CELF2: variants seen among roughly 807,000 people sequenced by gnomAD.
CELF2 encodes CUG triplet repeat RNA-binding protein 2.
A neutral mutation model predicts 62.6 loss-of-function variants in CELF2; 8 were observed. The observed-to-expected ratio is 0.13, with a 90% confidence interval of 0.07 to 0.23. The LOEUF is 0.23. CELF2 is among the 10% of genes least tolerant of loss of function. CELF2 has a pLI of 1.00. For synonymous variants in CELF2, 258 were observed against 250.0 expected, an observed-to-expected ratio of 1.03 and a Z score of -0.30; for missense variants, 333 against 671.0, an observed-to-expected ratio of 0.50 and a Z score of 5.56.
chr10:10,668,496 C>T, the CELF2 span, among the ~76,000 whole-genome samples: 47 of 152,174 alleles, frequency 3.1e-4, no homozygotes, highest in African/African-American at 1.0e-3. Flanking sequence ...ATTCACGGTA[C>T]GCAGTTTGGG....
the CELF2 span, among the ~76,000 whole-genome samples, chr10:10,551,756 G>A: frequency 6.6e-6 from 1 of 152,098 alleles, no homozygotes; most frequent in African/African-American, 2.4e-5. Context: ...CCTATGAAAA[G>A]GAGCAGGGTC....
In CELF2 at chr10:10,806,935, T is replaced by C. The variant is rs145566021; in HGVS notation, c.53+8118T>C. Reference sequence around the variant, plus strand: ...CACAAGGATGTGTTGCAGTTTTCTATTGAAACATAAGATTGTTGTCCACGG... The same window carrying C: ...CACAAGGATGTGTTGCAGTTTTCTACTGAAACATAAGATTGTTGTCCACGG... On this transcript the variant is annotated intron_variant, in intron 1 of 13. Transcript: ENST00000636488. Among the ~76,000 whole-genome samples, 473 of 152,342 alleles carry C rather than the reference T, an allele frequency of 3.1e-3. 2 individuals are homozygous for C. Among genetic ancestry groups the C allele is most frequent in the African/African-American group, 0.011 (460 of 41,580 alleles).
At chr10:10,933,058 G>T (rs996231148) in intron 2 of CELF2, among the ~76,000 whole-genome samples, 1 of 152,132 alleles carries the variant, frequency 6.6e-6, no homozygotes, top group African/African-American at 2.4e-5. Flanking sequence ...ACTTTGGGAG[G>T]CTGAGGCAGG....
rs899815185 is a variant in CELF2 at position 11,247,037 on chromosome 10, A to G, written c.355-2116A>G. On this transcript the variant is annotated intron_variant, in intron 3 of 12. Coordinates refer to ENST00000633077, the MANE Select transcript of CELF2 (RefSeq NM_001326342.2). This position sits in a 1 kb window ranked among gnomAD's most constrained non-coding sequence, Gnocchi z 5.4. ...TTCTCCACCATCCCCACAACCAGCC[A>G]GTCGCCATGAAGTTCAGCCTCCACC... 1.3e-5 allele frequency among the ~76,000 whole-genome samples: 2 copies of G among 152,186 alleles called. No individual in the cohort carries two copies. Among genetic ancestry groups the G allele is most frequent in the African/African-American group, 4.8e-5 (2 of 41,448 alleles).
rs2057589214 is a variant in CELF2, at chr10:11,018,123, G to C, written c.34G>C (p.Asp12His). Reference protein sequence around the residue: ...TSAFKLDFLPDMMVEGRLLVP... With the variant: ...TSAFKLDFLPHMMVEGRLLVP... ...TGCCTTCAAGCTGGATTTCCTCCCG[G>C]ACATGATGGTCGAGGGCCGCCTGCT... is the stretch of plus-strand genomic sequence containing the variant. The change falls in exon 1 of 13, where the codon GAC becomes CAC. Residue 12 changes from aspartate (D) to histidine (H), a missense_variant. This residue lies in a region of CELF2 where 45 missense variants were observed against 39.8 expected (regional missense o/e 1.13). Coordinates refer to ENST00000633077, the MANE Select transcript of CELF2 (RefSeq NM_001326342.2). 4 of 1,518,910 alleles carry C rather than the reference G, an allele frequency of 2.6e-6. No homozygotes were observed. Among genetic ancestry groups the C allele is most frequent in the Non-Finnish European group, 3.5e-6 (4 of 1,130,538 alleles). The allele number at this position is 1,518,910 out of a possible 1,614,324, so 94.1% of individuals were successfully genotyped here. A position where few individuals can be genotyped will look rare whatever the true frequency, so the allele number is the denominator to read the frequency against.
At chr10:10,598,751 C>CTTTTTTTT in the CELF2 span, among the ~76,000 whole-genome samples, 45 of 69,586 alleles carry the variant, frequency 6.5e-4, 3 homozygotes, top group South Asian at 3.7e-3. Flanking sequence ...CTTTTTCTTT[C>CTTTTTTTT]TTTTTTTTTT....
At chr10:11,154,214 G>A (rs1169795330) in intron 1 of CELF2, among the ~76,000 whole-genome samples, 1 of 152,196 alleles carries the variant, frequency 6.6e-6, no homozygotes, top group African/African-American at 2.4e-5. Flanking sequence ...GATGGTGTGT[G>A]TTTTAAGAAA....
At chr10:10,548,181 G>A in the CELF2 span, among the ~76,000 whole-genome samples, 13 of 152,286 alleles carry the variant, frequency 8.5e-5, no homozygotes, top group South Asian at 2.1e-4. Context: ...CAGTTCCCTC[G>A]TCTCTTAAAT....
At chr10:10,576,846 GTTGT>G in the CELF2 span, among the ~76,000 whole-genome samples, 1 of 152,144 alleles carries the variant, frequency 6.6e-6, no homozygotes. Context: ...TTACCAGTGT[GTTGT>G]TTAATTGTGT....
At chr10:11,250,767 TG>T (rs2076893529) in intron 4 of CELF2, among the ~76,000 whole-genome samples, 1 of 152,250 alleles carries the variant, frequency 6.6e-6, no homozygotes, top group Admixed American at 6.5e-5. Context: ...TCACCTAAGT[TG>T]CCTTCCCCTG....
intron 9 of CELF2, among the ~76,000 whole-genome samples, chr10:11,292,787 A>AT (rs1157878322): frequency 6.6e-6 from 1 of 151,980 alleles, no homozygotes; most frequent in African/African-American, 2.4e-5. Flanking sequence ...TGCTAAATGG[A>AT]TTGTCCCAAT....
chr10:11,051,371 C>CT (rs2063888913), intron 1 of CELF2, among the ~76,000 whole-genome samples: 1 of 152,136 alleles, frequency 6.6e-6, no homozygotes, highest in South Asian at 2.1e-4. Flanking sequence ...TGATTATCCA[C>CT]CTATGTATTA....
the CELF2 span, among the ~76,000 whole-genome samples, chr10:10,782,506 A>T: frequency 1.1e-4 from 16 of 152,274 alleles, no homozygotes; most frequent in Admixed American, 2.0e-4. Flanking sequence ...ACTGATTCAA[A>T]TGCTAAGCTC....
the CELF2 span, among the ~76,000 whole-genome samples, chr10:10,655,869 A>T: frequency 3.7e-5 from 5 of 136,132 alleles, no homozygotes; most frequent in Non-Finnish European, 4.8e-5. Context: ...AAAATTGACA[A>T]ATGGGATCTC....
chr10:11,202,935 CTCTCTCTCTCTCTCTCTGTG>C (rs1403482166), intron 2 of CELF2, among the ~76,000 whole-genome samples: 1,252 of 87,780 alleles, frequency 0.014, 35 homozygotes, highest in Middle Eastern at 0.098. Flanking sequence ...CTCTCTCTCT[CTCTCTCTCTCTCTCTCTGTG>C]TGTGTGTGTG....
intron 2 of CELF2, among the ~76,000 whole-genome samples, chr10:10,939,810 C>T (rs1377291288): frequency 3.9e-5 from 6 of 151,954 alleles, no homozygotes; most frequent in South Asian, 4.2e-4. Context: ...AAAAATTAGC[C>T]GGGCTTGGTG....
intron 1 of CELF2, chr10:11,092,507 T>G (rs745902881): frequency 6.6e-6 from 1 of 152,196 alleles, no homozygotes; most frequent in Non-Finnish European, 1.5e-5. Flanking sequence ...CGTGGGCGCC[T>G]TCATAAGGAA....
chr10:10,962,287 G>A (rs894979810), intron 2 of CELF2, among the ~76,000 whole-genome samples: 2 of 152,292 alleles, frequency 1.3e-5, no homozygotes, highest in Admixed American at 6.5e-5. Context: ...TGGGATGCTG[G>A]GTACAGCACC....
chr10:11,073,191 CAG>C (rs1337840654), intron 1 of CELF2, among the ~76,000 whole-genome samples: 1 of 152,172 alleles, frequency 6.6e-6, no homozygotes, highest in East Asian at 1.9e-4. Flanking sequence ...GCTAGTGACT[CAG>C]TGGGCCTCCT....
Sources: allele counts gnomAD v4.1 joint callset (sites outside exome capture counted in the v4.1 genomes callset), GRCh38; gene constraint gnomAD v4.1.1; regional missense constraint gnomAD v4.1.1; non-coding constraint Gnocchi (gnomAD v3.1); transcripts MANE v1.5; gene names NCBI Gene and HGNC (gene_info 2026-07-23, HGNC 2026-07-21).